The following DSTYK variants were observed in gnomAD, a reference collection of about 807,000 sequenced individuals.
DSTYK encodes dual serine/threonine and tyrosine protein kinase.
In DSTYK, 34 loss-of-function variants were observed where a neutral mutation model predicts 98.7. The ratio of observed to expected loss-of-function variants is 0.34; its 90% CI spans 0.26 to 0.46. The LOEUF is 0.46. Ranked by LOEUF, DSTYK falls within the 20% of genes least tolerant of loss-of-function variation. The pLI, the probability that DSTYK is intolerant of heterozygous loss-of-function variation, is 1.00. For missense variants in DSTYK, 962 were observed against 1,181.7 expected (o/e 0.81, Z 2.73); for synonymous variants, 462 against 457.3 (o/e 1.01, Z -0.13).
intron 2 of DSTYK, among the ~76,000 whole-genome samples, chr1:205,174,487 T>C (rs1417657919): frequency 1.5e-5 from 2 of 130,118 alleles, no homozygotes; most frequent in African/African-American, 3.0e-5. Context: ...TACTCCAGAA[T>C]GGGTGACAGA....
intron 1 of DSTYK, chr1:205,202,142 G>A (rs986139183): frequency 7.7e-6 from 4 of 517,236 alleles, no homozygotes; most frequent in Non-Finnish European, 1.5e-5. Flanking sequence ...AGGGGAAGGG[G>A]AAGGGGAAGG....
In DSTYK at chr1:205,211,380, G is replaced by A; in HGVS notation, c.156C>T (p.Phe52=). The A allele has an allele frequency of 6.2e-7, 1 of 1,612,618 alleles. No individual in the cohort carries two copies. The highest frequency in any genetic ancestry group is 2.2e-5 in the East Asian group (1 of 44,810). The change falls in exon 1 of 13, where the codon TTC becomes TTT. Residue 52 remains phenylalanine, a synonymous_variant. Transcript: ENST00000367162. ...RQNLRETQKF[F]RDIKCSHNHT... The stretch of plus-strand genomic sequence containing the variant: ...GGTTGTGGGAGCACTTGATGTCGCG[G>A]AAGAACTTCTGGGTCTCGCGCAGGT...
chr1:205,166,487 T>C (rs982087175), intron 3 of DSTYK, among the ~76,000 whole-genome samples: 1 of 146,210 alleles, frequency 6.8e-6, no homozygotes, highest in African/African-American at 2.5e-5. Flanking sequence ...AAAAAAAAAA[T>C]CTGGCTCCAT....
intron 8 of DSTYK, 191 bp downstream of exon 8, chr1:205,159,923 G>T: frequency 1.2e-6 from 1 of 811,836 alleles, no homozygotes; most frequent in Non-Finnish European, 2.0e-6. Flanking sequence ...GGAATGATGA[G>T]TCTGAGAAAT....
At chr1:205,202,023 G>A (rs1282589018) in intron 1 of DSTYK, among the ~76,000 whole-genome samples, 2 of 151,068 alleles carry the variant, frequency 1.3e-5, no homozygotes, top group African/African-American at 4.9e-5. Flanking sequence ...TTGCACCACT[G>A]CACTCCAGCC....
At chr1:205,195,577 C>G (rs922580259) in intron 1 of DSTYK, among the ~76,000 whole-genome samples, 1 of 152,150 alleles carries the variant, frequency 6.6e-6, no homozygotes, top group Non-Finnish European at 1.5e-5. Flanking sequence ...AAGTAGTACA[C>G]GCTATTTCTT....
intron 2 of DSTYK, among the ~76,000 whole-genome samples, chr1:205,180,542 G>A (rs1010804647): frequency 2.6e-5 from 4 of 152,110 alleles, no homozygotes; most frequent in South Asian, 4.2e-4. Context: ...TCAGCTTACC[G>A]CAACCTCCAC....
intron 1 of DSTYK, among the ~76,000 whole-genome samples, chr1:205,201,405 C>CA (rs67120994): frequency 0.21 from 19,994 of 95,390 alleles, 2,554 homozygotes; most frequent in Non-Finnish European, 0.28. Context: ...TTTTTTAATG[C>CA]AAAAAAAAAA....
Position 205,162,026 on chromosome 1 carries a change from A to G in DSTYK, c.1818+10T>C. 1 of 1,611,244 alleles carries G rather than the reference A, an allele frequency of 6.2e-7. No individual in the cohort carries two copies. Among genetic ancestry groups the G allele is most frequent in the East Asian group, 2.2e-5 (1 of 44,788 alleles). On this transcript the variant is annotated intron_variant, in intron 6 of 12. Coordinates refer to ENST00000367162, the MANE Select transcript of DSTYK (RefSeq NM_015375.3). ...TTGATCCAGCTGTATCTCCTTTCCT[A>G]CATACCAACCTGCCGCAAGGAGGCT...
At chr1:205,175,896 C>T (rs1351454591) in intron 2 of DSTYK, among the ~76,000 whole-genome samples, 1 of 152,168 alleles carries the variant, frequency 6.6e-6, no homozygotes, top group African/African-American at 2.4e-5. Context: ...TTTCAATCGG[C>T]ATATGTAAAA....
intron 2 of DSTYK, among the ~76,000 whole-genome samples, chr1:205,174,600 T>C (rs1658171378): frequency 6.6e-6 from 1 of 151,542 alleles, no homozygotes; most frequent in Non-Finnish European, 1.5e-5. Flanking sequence ...TGAGAATCAC[T>C]TGAACCTGGG....
chr1:205,182,734 AG>A (rs1658450079), intron 2 of DSTYK, among the ~76,000 whole-genome samples: 1 of 151,546 alleles, frequency 6.6e-6, no homozygotes, highest in Non-Finnish European at 1.5e-5. Context: ...TGAACCTGGG[AG>A]GCAGAGGTTG....
intron 1 of DSTYK, among the ~76,000 whole-genome samples, chr1:205,192,050 T>G (rs1447414490): frequency 1.3e-5 from 2 of 152,172 alleles, no homozygotes; most frequent in Non-Finnish European, 2.9e-5. Context: ...ATTTTGATTT[T>G]TGTTTACTTC....
intron 2 of DSTYK, among the ~76,000 whole-genome samples, chr1:205,179,120 T>C (rs1376576713): frequency 4.1e-5 from 6 of 146,454 alleles, no homozygotes; most frequent in African/African-American, 1.5e-4. Context: ...CAAAGTGAGA[T>C]ACTGTCTCAA....
chr1:205,205,972 C>A (rs770261962), intron 1 of DSTYK, among the ~76,000 whole-genome samples: 20 of 152,184 alleles, frequency 1.3e-4, no homozygotes, highest in Non-Finnish European at 2.2e-4. Flanking sequence ...ATGTGTTGCA[C>A]ACGTATATGG....
intron 4 of DSTYK, 69 bp from the exon 5 acceptor site, chr1:205,163,075 T>C: frequency 7.6e-7 from 1 of 1,322,324 alleles, no homozygotes; most frequent in Non-Finnish European, 1.1e-6. Context: ...CAATAAATGA[T>C]ACTTATTTCA....
At chr1:205,196,437 G>T (rs1022070621) in intron 1 of DSTYK, among the ~76,000 whole-genome samples, 6 of 152,140 alleles carry the variant, frequency 3.9e-5, no homozygotes, top group African/African-American at 1.4e-4. Flanking sequence ...TGTGCCTGTA[G>T]TCCCAGATAC....
chr1:205,180,513 G>A (rs1394832357), intron 2 of DSTYK, among the ~76,000 whole-genome samples: 1 of 152,200 alleles, frequency 6.6e-6, no homozygotes, highest in Non-Finnish European at 1.5e-5. Context: ...GACCCAGGCT[G>A]GAATGCAATG....
chr1:205,185,994 G>A (rs1658548619), intron 2 of DSTYK, among the ~76,000 whole-genome samples: 1 of 152,056 alleles, frequency 6.6e-6, no homozygotes, highest in African/African-American at 2.4e-5. Context: ...TTGCACTCCT[G>A]CCTGGGCAAC....
Sources: allele counts gnomAD v4.1 joint callset (sites outside exome capture counted in the v4.1 genomes callset), GRCh38; gene constraint gnomAD v4.1.1; transcripts MANE v1.5; gene names NCBI Gene and HGNC (gene_info 2026-07-23, HGNC 2026-07-21).